Variants in ICA1 observed in about 807,000 individuals in gnomAD.
The protein encoded by ICA1 is islet cell autoantigen 1, also known as 69 kDa islet cell autoantigen.
A neutral mutation model predicts 71.0 loss-of-function variants in ICA1; 40 were observed. The ratio of observed to expected loss-of-function variants is 0.56; its 90% CI spans 0.44 to 0.73. ICA1 has a LOEUF of 0.73. Among genes scored for constraint, ICA1 ranks in the 30% least tolerant of loss-of-function variants. ICA1 has a pLI of 0.00. For missense variants in ICA1, 578 were observed against 576.5 expected, an observed-to-expected ratio of 1.00 and a Z score of -0.03; for synonymous variants, 207 against 209.5, an observed-to-expected ratio of 0.99 and a Z score of 0.10.
At chr7:8,121,881 A>G (rs929459293) in intron 13 of ICA1, among the ~76,000 whole-genome samples, 2 of 152,188 alleles carry the variant, frequency 1.3e-5, no homozygotes, top group Admixed American at 6.5e-5. Flanking sequence ...ATAAATACAT[A>G]CGTCTACTAG....
intron 6 of ICA1, among the ~76,000 whole-genome samples, chr7:8,195,977 CACA>C (rs202049966): frequency 3.9e-5 from 5 of 129,314 alleles, no homozygotes; most frequent in Middle Eastern, 3.9e-3. Context: ...GGCTCCGTCT[CACA>C]ACAACAACAA....
intron 6 of ICA1, among the ~76,000 whole-genome samples, chr7:8,201,261 A>C (rs1562969503): frequency 6.6e-6 from 1 of 152,230 alleles, no homozygotes; most frequent in Non-Finnish European, 1.5e-5. Context: ...TCAAGTCTGC[A>C]GCAAGACAAT....
chr7:8,235,775 G>T, intron 2 of ICA1, 135 bp downstream of exon 2: 1 of 789,440 alleles, frequency 1.3e-6, no homozygotes, highest in Non-Finnish European at 2.1e-6. Context: ...TACTGAATTT[G>T]GCTCAGCATT....
At position 8,137,802 on chromosome 7, in the gene ICA1, T is replaced by C. The variant is rs139128899; in HGVS notation, c.1060+1038A>G. Among the ~76,000 whole-genome samples the C allele has an allele frequency of 1.9e-3, 290 of 152,350 alleles. 1 individual carries two copies. The highest frequency in any genetic ancestry group is 6.5e-3 in the African/African-American group (271 of 41,566). On this transcript the variant is annotated intron_variant, in intron 12 of 13. Coordinates refer to ENST00000402384, the MANE Select transcript of ICA1 (RefSeq NM_001136020.3). ...TGAAAACTTAATGCTAGAGGTGCGG[T>C]GCCTTTCTACTTTTGACAAAACTTT...
chr7:8,216,321 T>C (rs957933111), intron 6 of ICA1, among the ~76,000 whole-genome samples: 1 of 152,172 alleles, frequency 6.6e-6, no homozygotes, highest in Non-Finnish European at 1.5e-5. Context: ...AAATATACAC[T>C]TGAAGACAGG....
chr7:8,217,662 A>G (rs1795821547), intron 6 of ICA1, among the ~76,000 whole-genome samples: 1 of 152,350 alleles, frequency 6.6e-6, no homozygotes, highest in South Asian at 2.1e-4. Flanking sequence ...TAAGACTGCC[A>G]CCTAGTGGTG....
chr7:8,236,217 C>T (rs1222772217), intron 1 of ICA1, among the ~76,000 whole-genome samples: 1 of 151,984 alleles, frequency 6.6e-6, no homozygotes, highest in African/African-American at 2.4e-5. Context: ...AGTGAACAGG[C>T]AGATTGAATG....
chr7:8,114,162 C>G, intron 13 of ICA1, 118 bp from the exon 14 acceptor site: 1 of 1,107,234 alleles, frequency 9.0e-7, no homozygotes, highest in East Asian at 2.4e-5. Flanking sequence ...AGACAAATCC[C>G]TTTGCACTCT....
intron 8 of ICA1, among the ~76,000 whole-genome samples, chr7:8,152,260 T>C (rs1431163077): frequency 6.6e-6 from 1 of 151,970 alleles, no homozygotes; most frequent in Non-Finnish European, 1.5e-5. Context: ...CCTGTGAAAC[T>C]CACATAAAAC....
At chr7:8,253,011 C>T (rs1808711750) in intron 1 of ICA1, among the ~76,000 whole-genome samples, 1 of 152,102 alleles carries the variant, frequency 6.6e-6, no homozygotes, top group South Asian at 2.1e-4. Context: ...CCACAGCCCC[C>T]ACCTTATTTC....
At position 8,234,201 on chromosome 7, in the gene ICA1, G is replaced by A. The variant is rs1255121881; in HGVS notation, c.18-1446C>T. 6.6e-6 allele frequency among the ~76,000 whole-genome samples: 1 copy of A among 152,182 alleles called. No homozygotes were observed. Among genetic ancestry groups the A allele is most frequent in the Non-Finnish European group, 1.5e-5 (1 of 68,040 alleles). Reference sequence around the variant, plus strand: ...ACTGCACTTCATCCTGGGATACGGGGCGAGACCCTGTCCCTCAAAAAAGAA... The same window carrying A: ...ACTGCACTTCATCCTGGGATACGGGACGAGACCCTGTCCCTCAAAAAAGAA... On this transcript the variant is annotated intron_variant, in intron 2 of 13. Coordinates refer to ENST00000402384, the MANE Select transcript of ICA1 (RefSeq NM_001136020.3). This position sits in a 1 kb window ranked among gnomAD's most constrained non-coding sequence, Gnocchi z 4.5.
intron 6 of ICA1, among the ~76,000 whole-genome samples, chr7:8,184,495 G>C (rs1348042119): frequency 6.6e-6 from 1 of 152,188 alleles, no homozygotes; most frequent in African/African-American, 2.4e-5. Flanking sequence ...GGGGGTTGGA[G>C]AGGGGAGGAA....
intron 6 of ICA1, among the ~76,000 whole-genome samples, chr7:8,181,012 T>C (rs1036440217): frequency 6.6e-6 from 1 of 152,158 alleles, no homozygotes; most frequent in African/African-American, 2.4e-5. Flanking sequence ...TATTTTCTTT[T>C]ATGGTGGTGC....
intron 5 of ICA1, among the ~76,000 whole-genome samples, chr7:8,219,705 T>C (rs1041626749): frequency 6.6e-6 from 1 of 152,222 alleles, no homozygotes; most frequent in Admixed American, 6.5e-5. Flanking sequence ...TTTCATCAAA[T>C]AGAATATATG....
intron 6 of ICA1, among the ~76,000 whole-genome samples, chr7:8,210,253 C>A (rs1184905712): frequency 1.3e-5 from 2 of 152,172 alleles, no homozygotes; most frequent in Non-Finnish European, 2.9e-5. Flanking sequence ...AAACAAGAGG[C>A]CTCCTGCATG....
chr7:8,257,058 T>C (rs78819214), intron 1 of ICA1, among the ~76,000 whole-genome samples: 1 of 152,328 alleles, frequency 6.6e-6, no homozygotes, highest in East Asian at 1.9e-4. Context: ...TACTCTTGGA[T>C]GAAAGGAGCT....
chr7:8,250,008 G>A (rs1318441323), intron 1 of ICA1, among the ~76,000 whole-genome samples: 1 of 152,176 alleles, frequency 6.6e-6, no homozygotes, highest in African/African-American at 2.4e-5. Context: ...GAGGAACACG[G>A]CCTGAGAGCA....
chr7:8,115,308 T>C (rs1459115440), intron 13 of ICA1, among the ~76,000 whole-genome samples: 2 of 152,168 alleles, frequency 1.3e-5, no homozygotes. Context: ...TATCTTGATA[T>C]GAGTATCAGA....
At chr7:8,154,338 T>C (rs999257052) in intron 8 of ICA1, among the ~76,000 whole-genome samples, 2 of 152,224 alleles carry the variant, frequency 1.3e-5, no homozygotes, top group African/African-American at 2.4e-5. Context: ...TCTGTAATTC[T>C]GTAGCAAAAA....
Sources: allele counts gnomAD v4.1 joint callset (sites outside exome capture counted in the v4.1 genomes callset), GRCh38; gene constraint gnomAD v4.1.1; non-coding constraint Gnocchi (gnomAD v3.1); transcripts MANE v1.5; gene names NCBI Gene and HGNC (gene_info 2026-07-23, HGNC 2026-07-21).